FAM171A1: variants seen among roughly 807,000 people sequenced by gnomAD.
FAM171A1 encodes the protein family with sequence similarity 171 member A1.
Under a neutral mutation model 74.9 loss-of-function variants are expected in FAM171A1, and 23 were observed. The observed-to-expected ratio is 0.31, with a 90% CI of 0.22 to 0.44. The LOEUF is 0.44. FAM171A1 is among the 20% of genes least tolerant of loss of function. The probability of loss-of-function intolerance (pLI) is 1.00; values close to 1 mark genes in which losing one functional copy is unlikely to be tolerated. For synonymous variants in FAM171A1, 527 were observed against 505.7 expected, an observed-to-expected ratio of 1.04 and a Z score of -0.57; for missense variants, 1,162 against 1,159.2, an observed-to-expected ratio of 1.00 and a Z score of -0.03.
intron 3 of FAM171A1, among the ~76,000 whole-genome samples, chr10:15,268,182 C>A (rs1302494772): frequency 6.6e-6 from 1 of 152,054 alleles, no homozygotes; most frequent in Admixed American, 6.6e-5. Context: ...GATTGTCCAG[C>A]CCTGAGTGGA....
At chr10:15,261,183 C>T (rs1459971263) in intron 3 of FAM171A1, among the ~76,000 whole-genome samples, 2 of 152,168 alleles carry the variant, frequency 1.3e-5, no homozygotes, top group African/African-American at 4.8e-5. Context: ...TGAAGATTTC[C>T]GAGTCAATTT....
At chr10:15,281,817 C>T (rs754282188) in intron 2 of FAM171A1, among the ~76,000 whole-genome samples, 1 of 152,130 alleles carries the variant, frequency 6.6e-6, no homozygotes, top group Non-Finnish European at 1.5e-5. Flanking sequence ...GCCAAGATCA[C>T]GCCACTGCAT....
At chr10:15,360,620 G>T (rs1420644466) in intron 1 of FAM171A1, among the ~76,000 whole-genome samples, 1 of 152,212 alleles carries the variant, frequency 6.6e-6, no homozygotes, top group African/African-American at 2.4e-5. Context: ...TGCCAGTCCA[G>T]CCCAACACCA....
intron 1 of FAM171A1, among the ~76,000 whole-genome samples, chr10:15,306,953 CA>C: frequency 6.6e-6 from 1 of 152,308 alleles, no homozygotes; most frequent in Middle Eastern, 3.4e-3. Flanking sequence ...ATGTGCCCTT[CA>C]AAAACACTCA....
chr10:15,265,659 T>TC (rs1197463201), intron 3 of FAM171A1, among the ~76,000 whole-genome samples: 17 of 149,218 alleles, frequency 1.1e-4, no homozygotes, highest in African/African-American at 3.9e-4. Flanking sequence ...GGATTTTGAT[T>TC]TTTTTTTTTG....
intron 3 of FAM171A1, among the ~76,000 whole-genome samples, chr10:15,267,268 C>T (rs1834757110): frequency 6.6e-6 from 1 of 152,170 alleles, no homozygotes; most frequent in Non-Finnish European, 1.5e-5. Context: ...ATGACTGTGA[C>T]ATCAGGCTCG....
At chr10:15,234,237 C>T (rs1027738290) in intron 5 of FAM171A1, among the ~76,000 whole-genome samples, 1 of 151,858 alleles carries the variant, frequency 6.6e-6, no homozygotes, top group Non-Finnish European at 1.5e-5. Flanking sequence ...ATAGCTCATA[C>T]AAAAGTATAA....
At chr10:15,234,883 C>T (rs891278698) in intron 5 of FAM171A1, among the ~76,000 whole-genome samples, 1 of 152,008 alleles carries the variant, frequency 6.6e-6, no homozygotes, top group African/African-American at 2.4e-5. Flanking sequence ...AGGATGGTCT[C>T]GATCTCCTGA....
At chr10:15,228,118 C>G (rs1024691387) in intron 5 of FAM171A1, among the ~76,000 whole-genome samples, 1 of 152,118 alleles carries the variant, frequency 6.6e-6, no homozygotes, top group African/African-American at 2.4e-5. Context: ...AAGGAGATCA[C>G]AGTTACCTGG....
chr10:15,229,863 C>A (rs377713890), intron 5 of FAM171A1, among the ~76,000 whole-genome samples: 502 of 14,776 alleles, frequency 0.034, no homozygotes, highest in South Asian at 0.083. Flanking sequence ...CACCATCACC[C>A]CCATCACCAT....
chr10:15,334,471 G>T (rs899036528), intron 1 of FAM171A1, among the ~76,000 whole-genome samples: 1 of 152,160 alleles, frequency 6.6e-6, no homozygotes, highest in Admixed American at 6.5e-5. Context: ...TGCAGGAATG[G>T]TTAACTAAAA....
At chr10:15,254,974 G>A (rs1426852300) in intron 3 of FAM171A1, 95 bp from the exon 4 acceptor site, 65 of 1,182,528 alleles carry the variant, frequency 5.5e-5, no homozygotes, top group Non-Finnish European at 7.2e-5. Context: ...GTTTCAGCAC[G>A]CCTCCCCCAC....
chr10:15,223,884 G>C (rs1282587221), intron 5 of FAM171A1, among the ~76,000 whole-genome samples: 2 of 152,104 alleles, frequency 1.3e-5, no homozygotes, highest in East Asian at 3.9e-4. Flanking sequence ...GGGCGACAGA[G>C]CAAGATTCTA....
chr10:15,327,496 T>A (rs181927157), intron 1 of FAM171A1, among the ~76,000 whole-genome samples: 2 of 151,826 alleles, frequency 1.3e-5, no homozygotes, highest in African/African-American at 4.8e-5. Context: ...CAAAAAAACA[T>A]AGAAATTAGC....
intron 5 of FAM171A1, among the ~76,000 whole-genome samples, chr10:15,232,750 C>G (rs1211242681): frequency 1.3e-5 from 2 of 152,162 alleles, no homozygotes; most frequent in East Asian, 3.9e-4. Context: ...AAGCGGGAAT[C>G]CACAAAAATC....
At chr10:15,227,890 G>A (rs201194383) in intron 5 of FAM171A1, among the ~76,000 whole-genome samples, 2 of 152,176 alleles carry the variant, frequency 1.3e-5, no homozygotes, top group Admixed American at 6.5e-5. Context: ...CAACTGACAG[G>A]CAGGGAAAGA....
intron 1 of FAM171A1, among the ~76,000 whole-genome samples, chr10:15,287,780 C>A (rs891695642): frequency 1.3e-5 from 2 of 152,056 alleles, no homozygotes; most frequent in African/African-American, 2.4e-5. Flanking sequence ...TTATTTATTT[C>A]CGTAGGTTTT....
intron 3 of FAM171A1, among the ~76,000 whole-genome samples, chr10:15,266,691 C>A (rs951998094): frequency 6.6e-6 from 1 of 151,830 alleles, no homozygotes; most frequent in Admixed American, 6.6e-5. Flanking sequence ...CATAGCGAGA[C>A]CCCCGTCTCT....
intron 1 of FAM171A1, among the ~76,000 whole-genome samples, chr10:15,368,883 C>A (rs1836098367): frequency 6.6e-6 from 1 of 152,184 alleles, no homozygotes; most frequent in African/African-American, 2.4e-5. Context: ...ATTGTCCATT[C>A]CCTTAAAAAT....
Sources: gnomAD v4.1 joint callset for allele counts (sites outside exome capture counted in the v4.1 genomes callset) on GRCh38, gnomAD v4.1.1 for gene constraint, MANE v1.5 for transcripts, NCBI Gene and HGNC (gene_info 2026-07-23, HGNC 2026-07-21) for gene names.